Variants in CEP72 observed in about 807,000 individuals in gnomAD.
The protein encoded by CEP72 is centrosomal protein of 72 kDa.
Under a neutral mutation model 65.7 loss-of-function variants are expected in CEP72, and 78 were observed. The ratio of observed to expected loss-of-function variants is 1.19; its 90% confidence interval spans 0.99 to 1.43. The LOEUF (loss-of-function observed/expected upper bound fraction) is 1.43, where lower values mean the gene tolerates loss of function less well. CEP72 is among the 40% of genes most tolerant of loss of function. CEP72 has a pLI of 0.00. For missense variants in CEP72, 914 were observed against 832.9 expected (o/e 1.10, Z -1.20); for synonymous variants, 358 against 351.7 (o/e 1.02, Z -0.20).
chr5:654,413 GTGCTAGCTGTGTGTGTC>G (rs1274921991), downstream of CEP72, among the ~76,000 whole-genome samples: 1 of 151,002 alleles, frequency 6.6e-6, no homozygotes, highest in African/African-American at 2.4e-5. Flanking sequence ...GTGTGCTTGT[GTGCTAGCTGTGTGTGTC>G]TGCTAGCTGT....
intron 9 of CEP72, chr5:643,700 C>T (rs1401621356): frequency 1.0e-6 from 1 of 979,990 alleles, no homozygotes; most frequent in Non-Finnish European, 1.2e-6. Context: ...ACCCTGGCCG[C>T]AGGTGCTGGC....
downstream of CEP72, among the ~76,000 whole-genome samples, chr5:670,408 G>A (rs1229776171): frequency 6.6e-6 from 1 of 152,168 alleles, no homozygotes; most frequent in Non-Finnish European, 1.5e-5. Flanking sequence ...GGGCTGTGGA[G>A]GGGAATCTCT....
chr5:665,529 A>G (rs189985876), intron 3 of CEP72, among the ~76,000 whole-genome samples: 46 of 152,116 alleles, frequency 3.0e-4, no homozygotes, highest in African/African-American at 1.1e-3. Context: ...CCTGGTGTTT[A>G]TGTAGTTGGG....
intron 2 of CEP72, chr5:664,675 G>GT (rs1409165695): frequency 5.5e-6 from 1 of 181,394 alleles, no homozygotes; most frequent in African/African-American, 2.4e-5. Flanking sequence ...CCAATTCCGT[G>GT]TTAGTTGCCT....
chr5:633,433 T>C (rs1561042200), intron 4 of CEP72, among the ~76,000 whole-genome samples: 1 of 149,646 alleles, frequency 6.7e-6, no homozygotes, highest in Non-Finnish European at 1.5e-5. Context: ...TGCCGGGATT[T>C]AGACCAGTCC....
rs760213976 is a variant in CEP72 at position 633,725 on chromosome 5, A to G, written c.513-44A>G. 4.4e-6 allele frequency: 7 copies of G among 1,592,908 alleles called. No homozygotes were observed. In the African/African-American group the frequency reaches 6.7e-5, roughly 15 times the overall value. ...TCCTGGTCTGCGTGGGCCGGAGCAT[A>G]TGGCTGGCTTGAGTGATGCTGATGA... On this transcript the variant is annotated intron_variant, in intron 4 of 11. Transcript: ENST00000264935.
Position 612,422 on chromosome 5 carries a change from T to C in CEP72, c.61T>C (p.Leu21=). Residue 21 remains leucine, a synonymous_variant, in exon 1 of 12, where the codon TTA becomes CTA. Transcript: ENST00000264935. The part of the protein sequence containing the change: ...SEEAVRAKSG[L]GPHRDLAELQ... ...GGAGGCGGTTCGGGCGAAGAGCGGC[T>C]TAGGGCCTCACCGCGACCTGGGTGC... 1 of 1,472,338 alleles carries C rather than the reference T, an allele frequency of 6.8e-7. No homozygotes were observed. The highest frequency in any genetic ancestry group is 9.0e-7 in the Non-Finnish European group (1 of 1,115,382). 91.2% of individuals were successfully genotyped at this position (1,472,338 alleles called of 1,614,324 possible).
chr5:657,787 T>A (rs1242948908), downstream of CEP72, among the ~76,000 whole-genome samples: 1 of 152,230 alleles, frequency 6.6e-6, no homozygotes, highest in Non-Finnish European at 1.5e-5. Context: ...GCCAGTGACC[T>A]GGGCAGCTGC....
chr5:616,132 G>T lies in CEP72; in HGVS notation c.83-2858G>T, dbSNP rs537556214. 1.3e-4 allele frequency among the ~76,000 whole-genome samples: 20 copies of T among 152,116 alleles called. No individual in the cohort carries two copies. The South Asian group carries it at 3.9e-3, about 30-fold the overall frequency. On this transcript the variant is annotated intron_variant, in intron 1 of 11. Coordinates refer to ENST00000264935, the MANE Select transcript of CEP72 (RefSeq NM_018140.4). ...TTTTTCTTCATTCCACGATGCTCTA[G>T]GTTTCTTTCGTTTTTCCTTTATATT... is the stretch of plus-strand genomic sequence containing the variant.
intron 4 of CEP72, among the ~76,000 whole-genome samples, chr5:631,877 A>G (rs1462505790): frequency 7.0e-5 from 2 of 28,586 alleles, no homozygotes; most frequent in Non-Finnish European, 1.3e-4. Flanking sequence ...GCTGGATTTG[A>G]CCCAGTCCTG....
intron 1 of CEP72, among the ~76,000 whole-genome samples, chr5:618,050 A>G (rs1002176970): frequency 2.0e-5 from 3 of 152,114 alleles, no homozygotes; most frequent in Non-Finnish European, 4.4e-5. Flanking sequence ...TAACAGGAGG[A>G]CAGCAGACAG....
rs375238784 is a variant in CEP72, at chr5:612,366, C to G, written c.5C>G (p.Ala2Gly). The change falls in exon 1 of 12, where the codon GCG becomes GGG. Residue 2 changes from alanine to glycine, a missense_variant. Transcript: ENST00000264935. ...TCCGAGGGCTCCGTTTGAAACATGG[C>G]GCGGGCTGGCCCTCGGCTGGTGCTG... The part of the protein sequence containing the change: M[A>G]RAGPRLVLSE... 3 of 1,489,146 alleles carry G rather than the reference C, an allele frequency of 2.0e-6. No homozygotes were observed. Among genetic ancestry groups the G allele is most frequent in the African/African-American group, 1.5e-5 (1 of 68,414 alleles). The allele number at this position is 1,489,146 out of a possible 1,614,324, so 92.2% of individuals were successfully genotyped here.
At chr5:622,765 A>G (rs1486389193) in intron 3 of CEP72, among the ~76,000 whole-genome samples, 1 of 148,750 alleles carries the variant, frequency 6.7e-6, no homozygotes, top group Non-Finnish European at 1.5e-5. Context: ...CCCCCCCAAG[A>G]CACAGTGTCT....
chr5:632,853 A>C (rs1373667413), intron 4 of CEP72, among the ~76,000 whole-genome samples: 352 of 34,036 alleles, frequency 0.01, no homozygotes, highest in African/African-American at 0.014. Flanking sequence ...CGGGATTTGG[A>C]CCAGTCCTGG....
exon 2 of CEP72, chr5:663,479 G>A (rs554868877): frequency 6.6e-6 from 1 of 152,466 alleles, no homozygotes; most frequent in Non-Finnish European, 1.5e-5. Flanking sequence ...CTCAGGTGGA[G>A]GCTTCTCTGT....
rs1460581784 is a variant in CEP72, at chr5:635,421, CT to C, written c.742del (p.Ser248LeufsTer120). On this transcript the variant is annotated frameshift_variant, in exon 6 of 12. Coordinates refer to ENST00000264935, the MANE Select transcript of CEP72 (RefSeq NM_018140.4). LOFTEE classifies it high-confidence loss of function. ...AGTTGGTACAGTACCAGTGTGGGGA[CT>C]CTGGGAAGCAGGGCCGTGAGACGAG... ...PQLVQYQCGD[S>X]GKQGRETRRS... is the part of the protein sequence containing the mutation. The C allele has an allele frequency of 6.6e-5, 107 of 1,614,004 alleles. No homozygotes were observed. The highest frequency in any genetic ancestry group is 8.6e-5 in the Non-Finnish European group (101 of 1,179,972).
chr5:644,688 C>T (rs962536147), intron 10 of CEP72, among the ~76,000 whole-genome samples: 3 of 152,186 alleles, frequency 2.0e-5, no homozygotes, highest in African/African-American at 4.8e-5. Flanking sequence ...CCGTCCTCCC[C>T]TCAGCACAGG....
At position 644,382 on chromosome 5, in the gene CEP72, G is replaced by T. The variant is rs1738275647; in HGVS notation, c.1623G>T (p.Val541=). 2 of 1,613,864 alleles carry T rather than the reference G, an allele frequency of 1.2e-6. No individual in the cohort carries two copies. Among genetic ancestry groups the T allele is most frequent in the Non-Finnish European group, 8.5e-7 (1 of 1,179,960 alleles). The change falls in exon 10 of 12, where the codon GTG becomes GTT. Residue 541 remains valine, a synonymous_variant. Coordinates refer to ENST00000264935, the MANE Select transcript of CEP72 (RefSeq NM_018140.4). ...TTTTGTTGAGTATGAAAAAGGAAGT[G>T]AAGAGTGCAGACACTGCAGCCACGT... The part of the protein sequence containing the change: ...KSLLLSMKKE[V]KSADTAATLN...
chr5:627,214 C>A (rs1245938790), intron 4 of CEP72, among the ~76,000 whole-genome samples: 1 of 152,206 alleles, frequency 6.6e-6, no homozygotes, highest in African/African-American at 2.4e-5. Flanking sequence ...CAGATTGTTT[C>A]TTTCAAGGAA....
Sources: allele counts gnomAD v4.1 joint callset (sites outside exome capture counted in the v4.1 genomes callset), GRCh38; gene constraint gnomAD v4.1.1; transcripts MANE v1.5; gene names NCBI Gene and HGNC (gene_info 2026-07-23, HGNC 2026-07-21).